The following CTCF variants were observed in gnomAD, a reference collection of about 807,000 sequenced individuals.
CTCF encodes the protein transcriptional repressor CTCF.
A neutral mutation model predicts 72.3 loss-of-function variants in CTCF; 7 were observed. The ratio of observed to expected loss-of-function variants is 0.10; its 90% CI spans 0.06 to 0.18. CTCF has a LOEUF of 0.18. CTCF is among the 10% of genes least tolerant of loss of function. The pLI, the probability that CTCF is intolerant of heterozygous loss-of-function variation, is 1.00. For missense variants in CTCF, 516 were observed against 949.1 expected (o/e 0.54, Z 6.00); for synonymous variants, 374 against 315.8 (o/e 1.18, Z -1.95).
chr16:67,621,115 A>G (rs987937723), intron 6 of CTCF: 24 of 363,622 alleles, frequency 6.6e-5, no homozygotes, highest in Non-Finnish European at 8.9e-5. Flanking sequence ...AGATTTCCTA[A>G]CCTACCTTAT....
At chr16:67,590,954 C>CT (rs2051734983) in intron 2 of CTCF, among the ~76,000 whole-genome samples, 1 of 107,688 alleles carries the variant, frequency 9.3e-6, no homozygotes. Flanking sequence ...GAGTGAGACT[C>CT]TGTCTCAAAA....
chr16:67,587,239 G>A (rs1397468494), intron 2 of CTCF, among the ~76,000 whole-genome samples: 1 of 151,858 alleles, frequency 6.6e-6, no homozygotes, highest in Non-Finnish European at 1.5e-5. Context: ...TGGAATGGTA[G>A]GCGTGAGCCA....
chr16:67,635,468 T>C (rs1163863273), intron 10 of CTCF: 2 of 150,998 alleles, frequency 1.3e-5, no homozygotes. Context: ...ACCGAGTCAA[T>C]TTCGTTTTTG....
intron 2 of CTCF, among the ~76,000 whole-genome samples, chr16:67,601,252 GTGTTT>G (rs1555532966): frequency 0.016 from 2,208 of 136,992 alleles, 43 homozygotes; most frequent in Non-Finnish European, 0.018. Flanking sequence ...GTGTGTGTGT[GTGTTT>G]TGTTTTGTTT....
chr16:67,603,595 C>T (rs568101421), intron 2 of CTCF, among the ~76,000 whole-genome samples: 56 of 150,972 alleles, frequency 3.7e-4, no homozygotes, highest in Middle Eastern at 6.9e-3. Context: ...GAGGCCAAGG[C>T]GGGCGGATCA....
chr16:67,571,190 G>A lies in CTCF; in HGVS notation c.-84G>A, dbSNP rs557237093. 1.3e-5 allele frequency: 2 copies of A among 152,592 alleles called. No individual in the cohort carries two copies. Among genetic ancestry groups the A allele is most frequent in the Non-Finnish European group, 2.9e-5 (2 of 68,040 alleles). The allele number at this position is 152,592 out of a possible 1,614,324, so 9.5% of individuals were successfully genotyped here. On this transcript the variant is annotated 5_prime_UTR_variant, in exon 2 of 12. Coordinates refer to ENST00000264010, the MANE Select transcript of CTCF (RefSeq NM_006565.4). ...AGCCAAAGAACAAGATGCGCTAGTG[G>A]ACAGATTGCTGACCAGGGGCTTGAG...
intron 1 of CTCF, among the ~76,000 whole-genome samples, chr16:67,570,448 T>G (rs1380092106): frequency 6.8e-6 from 1 of 146,436 alleles, no homozygotes; most frequent in Non-Finnish European, 1.5e-5. Context: ...GTGGAGTGTT[T>G]TGTTTTGTTT....
At position 67,638,073 on chromosome 16, in the gene CTCF, G is replaced by A; in HGVS notation, c.*201G>A. The A allele has an allele frequency of 1.8e-6, 1 of 561,224 alleles. No individual in the cohort carries two copies. The highest frequency in any genetic ancestry group is 3.1e-6 in the Non-Finnish European group (1 of 318,562). The allele number at this position is 561,224 out of a possible 1,614,324, so 34.8% of individuals were successfully genotyped here. A position where few individuals can be genotyped will look rare whatever the true frequency, so the allele number is the denominator to read the frequency against. ...TGCTGTCTGATGTTAGCAAATCATGGAATGTTCTGAGTCCCTGAGGGTTTA... is the reference window on the plus strand; with the variant it reads ...TGCTGTCTGATGTTAGCAAATCATGAAATGTTCTGAGTCCCTGAGGGTTTA... On this transcript the variant is annotated 3_prime_UTR_variant, in exon 12 of 12. Transcript: ENST00000264010.
At chr16:67,584,753 G>C (rs1347009845) in intron 2 of CTCF, among the ~76,000 whole-genome samples, 1 of 152,036 alleles carries the variant, frequency 6.6e-6, no homozygotes, top group Non-Finnish European at 1.5e-5. Flanking sequence ...TAAGTCATCT[G>C]TCAATCCCTT....
chr16:67,589,764 C>CAA (rs2051714095), intron 2 of CTCF, among the ~76,000 whole-genome samples: 1 of 152,112 alleles, frequency 6.6e-6, no homozygotes, highest in Non-Finnish European at 1.5e-5. Flanking sequence ...AATGACGCTT[C>CAA]AACACCTAAT....
intron 10 of CTCF, among the ~76,000 whole-genome samples, chr16:67,630,275 T>C (rs1021428252): frequency 6.6e-6 from 1 of 152,198 alleles, no homozygotes; most frequent in Non-Finnish European, 1.5e-5. Context: ...CACTTATGGT[T>C]TGACTGCCTG....
intron 2 of CTCF, among the ~76,000 whole-genome samples, chr16:67,607,681 G>C (rs911537554): frequency 6.6e-6 from 1 of 151,924 alleles, no homozygotes; most frequent in Non-Finnish European, 1.5e-5. Flanking sequence ...ATTCAATTTG[G>C]TTGGCATTTA....
chr16:67,575,652 G>C (rs1164933773), intron 2 of CTCF, among the ~76,000 whole-genome samples: 3 of 151,658 alleles, frequency 2.0e-5, no homozygotes, highest in Non-Finnish European at 4.4e-5. Context: ...CATATTGGCT[G>C]GGCTGGTCTC....
intron 2 of CTCF, among the ~76,000 whole-genome samples, chr16:67,577,412 A>C (rs2051512295): frequency 6.7e-6 from 1 of 148,734 alleles, no homozygotes; most frequent in South Asian, 2.1e-4. Context: ...TGCCTAGTTT[A>C]CTTGGCAGTA....
At chr16:67,578,325 C>CTTTTTTT (rs944395345) in intron 2 of CTCF, among the ~76,000 whole-genome samples, 8 of 84,480 alleles carry the variant, frequency 9.5e-5, no homozygotes, top group Non-Finnish European at 1.3e-4. Context: ...GTTTATGTAT[C>CTTTTTTT]TTTTTTTTTT....
At chr16:67,628,691 A>G (rs2052322829) in intron 9 of CTCF, 139 bp downstream of exon 9, 3 of 839,988 alleles carry the variant, frequency 3.6e-6, no homozygotes, top group Non-Finnish European at 5.8e-6. Context: ...AGTCATCCCC[A>G]TCTTGATGTT....
At chr16:67,599,802 G>A (rs1014974414) in intron 2 of CTCF, among the ~76,000 whole-genome samples, 3 of 152,178 alleles carry the variant, frequency 2.0e-5, no homozygotes, top group African/African-American at 7.2e-5. Context: ...GATGGATTGG[G>A]TATACTGGAG....
chr16:67,624,077 G>GTGTGTGTA (rs1383197994), intron 7 of CTCF, among the ~76,000 whole-genome samples: 1 of 86,930 alleles, frequency 1.2e-5, no homozygotes, highest in East Asian at 2.2e-4. Flanking sequence ...ATATATGTGT[G>GTGTGTGTA]TGTGTGTGTG....
intron 7 of CTCF, among the ~76,000 whole-genome samples, chr16:67,622,126 G>A (rs571538479): frequency 3.3e-5 from 5 of 152,222 alleles, no homozygotes; most frequent in Non-Finnish European, 4.4e-5. Context: ...GGAGGCCAAC[G>A]CGGGTGGATC....
Sources: allele counts gnomAD v4.1 joint callset (sites outside exome capture counted in the v4.1 genomes callset), GRCh38; gene constraint gnomAD v4.1.1; transcripts MANE v1.5; gene names NCBI Gene and HGNC (gene_info 2026-07-23, HGNC 2026-07-21).